GPATCH8: variants seen among roughly 807,000 people sequenced by gnomAD.
GPATCH8 encodes the protein G-patch domain containing 8.
In GPATCH8, 18 loss-of-function variants were observed where a neutral mutation model predicts 118.3. The observed-to-expected ratio is 0.15, with a 90% CI of 0.11 to 0.23. GPATCH8 has a LOEUF of 0.23. Among genes scored for constraint, GPATCH8 ranks in the 10% least tolerant of loss-of-function variants. The probability of loss-of-function intolerance (pLI) is 1.00; values close to 1 mark genes in which losing one functional copy is unlikely to be tolerated. For missense variants in GPATCH8, 1,631 were observed against 1,873.8 expected, an observed-to-expected ratio of 0.87 and a Z score of 2.39; for synonymous variants, 659 against 684.7, an observed-to-expected ratio of 0.96 and a Z score of 0.59.
At chr17:44,424,248 A>C in intron 6 of GPATCH8, 101 bp downstream of exon 6, 1 of 843,944 alleles carries the variant, frequency 1.2e-6, no homozygotes, top group Non-Finnish European at 2.0e-6. Flanking sequence ...GGCAGACACA[A>C]GAAATCATAG....
At chr17:44,458,545 A>T (rs1263049971) in intron 3 of GPATCH8, among the ~76,000 whole-genome samples, 1 of 151,876 alleles carries the variant, frequency 6.6e-6, no homozygotes, top group Non-Finnish European at 1.5e-5. Flanking sequence ...TTTTTTTGAG[A>T]CAGGCTTGCT....
chr17:44,460,205 C>G (rs544618245), intron 3 of GPATCH8, among the ~76,000 whole-genome samples: 16 of 152,246 alleles, frequency 1.1e-4, no homozygotes, highest in Non-Finnish European at 1.9e-4. Context: ...TTAAACATAT[C>G]CTCTGTTTCT....
chr17:44,466,475 G>A (rs539624579), intron 2 of GPATCH8, among the ~76,000 whole-genome samples: 3 of 152,214 alleles, frequency 2.0e-5, no homozygotes, highest in Non-Finnish European at 4.4e-5. Context: ...CCCAAGCACT[G>A]ACTTCCACAT....
chr17:44,497,772 TC>T, intron 1 of GPATCH8, among the ~76,000 whole-genome samples: 1 of 151,050 alleles, frequency 6.6e-6, no homozygotes, highest in African/African-American at 2.4e-5. Flanking sequence ...AAACCCCGTC[TC>T]TAAAAAAAGT....
chr17:44,415,565 TG>T (rs2049645313), intron 6 of GPATCH8, among the ~76,000 whole-genome samples: 1 of 152,190 alleles, frequency 6.6e-6, no homozygotes, highest in Admixed American at 6.5e-5. Context: ...AGAAGATATC[TG>T]GGGACAAAGA....
At chr17:44,462,064 T>C (rs1179688450) in intron 3 of GPATCH8, among the ~76,000 whole-genome samples, 1 of 152,136 alleles carries the variant, frequency 6.6e-6, no homozygotes, top group Non-Finnish European at 1.5e-5. Context: ...TGAGTAGCCA[T>C]TTACCTATCC....
chr17:44,415,081 G>A (rs1303162971), intron 6 of GPATCH8, among the ~76,000 whole-genome samples: 3 of 152,002 alleles, frequency 2.0e-5, no homozygotes, highest in African/African-American at 7.3e-5. Flanking sequence ...ACTTCCCTTG[G>A]GTATATACTA....
chr17:44,464,425 T>C (rs1344245018), intron 3 of GPATCH8, 47 bp downstream of exon 3: 2 of 1,069,888 alleles, frequency 1.9e-6, no homozygotes, highest in Non-Finnish European at 2.9e-6. Flanking sequence ...AAGATCTGCA[T>C]CAGAAATGGT....
intron 5 of GPATCH8, among the ~76,000 whole-genome samples, chr17:44,428,322 G>A (rs1451243558): frequency 6.6e-6 from 1 of 151,814 alleles, no homozygotes; most frequent in Non-Finnish European, 1.5e-5. Context: ...ATGAAACCCT[G>A]TCTCTACTAA....
At chr17:44,432,634 CAT>C (rs1460202450) in intron 5 of GPATCH8, among the ~76,000 whole-genome samples, 1 of 152,038 alleles carries the variant, frequency 6.6e-6, no homozygotes, top group African/African-American at 2.4e-5. Context: ...GAGAGGTAAA[CAT>C]GAGTGTGTGG....
chr17:44,497,370 G>T (rs1414408226), intron 1 of GPATCH8, among the ~76,000 whole-genome samples: 2 of 152,028 alleles, frequency 1.3e-5, no homozygotes, highest in Non-Finnish European at 2.9e-5. Context: ...TGGGAGGATA[G>T]CTTGAGCTCA....
rs772666737 is a variant in GPATCH8 at position 44,401,135 on chromosome 17, T to C, written c.942A>G (p.Ser314=). The C allele has an allele frequency of 1.9e-6, 3 of 1,614,162 alleles. No individual in the cohort carries two copies. The Admixed American group carries it at 5.0e-5, about 27-fold the overall frequency. Residue 314 remains serine, a synonymous_variant, in exon 8 of 8, where the codon TCA becomes TCG. Coordinates refer to ENST00000591680, the MANE Select transcript of GPATCH8 (RefSeq NM_001002909.4). ...CATGGTCCTTGAAAACTGATGCTAT[T>C]GATTCGAGTTTGACAGGAGCCTTTT... The part of the protein sequence containing the change: ...FAKKAPVKLE[S]IASVFKDHAE...
At chr17:44,474,606 T>C (rs1396665707) in intron 2 of GPATCH8, 4 of 630,146 alleles carry the variant, frequency 6.3e-6, no homozygotes, top group East Asian at 5.9e-5. Context: ...TATTTTTCCA[T>C]TGAAATTCTA....
intron 6 of GPATCH8, among the ~76,000 whole-genome samples, chr17:44,408,711 A>C (rs957947109): frequency 2.6e-5 from 4 of 152,216 alleles, no homozygotes; most frequent in Non-Finnish European, 5.9e-5. Context: ...TTGAAGATGA[A>C]GGAACAGGAC....
chr17:44,395,391 G>T lies in GPATCH8; in HGVS notation c.*2177C>A, dbSNP rs751168416. ...ACAATCTGTTATGCTTGTAAGTAAG[G>T]TTTATTTTTATTTTTACTTTTAAAA... On this transcript the variant is annotated 3_prime_UTR_variant, in exon 8 of 8. Coordinates refer to ENST00000591680, the MANE Select transcript of GPATCH8 (RefSeq NM_001002909.4). The T allele has an allele frequency of 1.8e-5, 8 of 453,012 alleles. No individual in the cohort carries two copies. Among genetic ancestry groups the T allele is most frequent in the South Asian group, 1.2e-4 (8 of 64,078 alleles). 28.1% of individuals were successfully genotyped at this position (453,012 alleles called of 1,614,324 possible). A position where few individuals can be genotyped will look rare whatever the true frequency, so the allele number is the denominator to read the frequency against.
At position 44,447,161 on chromosome 17, in the gene GPATCH8, A is replaced by T. The variant is rs545601930; in HGVS notation, c.194-10616T>A. ...TCCATTTCATGTTTAATAAAAAAAAATTTTTTTTTTTTTAAGACAGTCTCA... is the reference window on the plus strand; with the variant it reads ...TCCATTTCATGTTTAATAAAAAAAATTTTTTTTTTTTTTAAGACAGTCTCA... On this transcript the variant is annotated intron_variant, in intron 3 of 7. Coordinates refer to ENST00000591680, the MANE Select transcript of GPATCH8 (RefSeq NM_001002909.4). Among the ~76,000 whole-genome samples, 332 of 137,512 alleles carry T rather than the reference A, an allele frequency of 2.4e-3. 2 individuals are homozygous for T. The highest frequency in any genetic ancestry group is 8.0e-3 in the Admixed American group (108 of 13,482). The allele number at this position is 137,512 out of a possible 152,430, so 90.2% of individuals were successfully genotyped here.
rs1189358879 is a variant in GPATCH8, at chr17:44,400,549, A to C, written c.1528T>G (p.Ser510Ala). The change falls in exon 8 of 8, where the codon TCC becomes GCC. Residue 510 changes from serine to alanine, a missense_variant. By Grantham distance (99) the Ser-to-Ala change is moderately conservative. This residue lies in a region of GPATCH8 where 405 missense variants were observed against 462.7 expected (regional missense o/e 0.88). Transcript: ENST00000591680. ...AGAGAGGTTTCTTTAGAAGAGTTGG[A>C]CTCACACATTTGGGTCTCTGAAACC... ...QKVSETQMCE[S>A]NSSKETSLAT... 6.2e-7 allele frequency: 1 copy of C among 1,613,886 alleles called. No homozygotes were observed.
At chr17:44,440,986 G>A (rs1453353284) in intron 3 of GPATCH8, among the ~76,000 whole-genome samples, 1 of 152,090 alleles carries the variant, frequency 6.6e-6, no homozygotes, top group Admixed American at 6.5e-5. Flanking sequence ...GAGTAGCCGG[G>A]ACTACAGGTG....
chr17:44,417,558 A>G (rs2049732950), intron 6 of GPATCH8, among the ~76,000 whole-genome samples: 1 of 152,182 alleles, frequency 6.6e-6, no homozygotes, highest in Non-Finnish European at 1.5e-5. Context: ...CCAGATTTTG[A>G]TAATCTGGAT....
Sources: allele counts gnomAD v4.1 joint callset (sites outside exome capture counted in the v4.1 genomes callset), GRCh38; gene constraint gnomAD v4.1.1; regional missense constraint gnomAD v4.1.1; transcripts MANE v1.5; gene names NCBI Gene and HGNC (gene_info 2026-07-23, HGNC 2026-07-21).